EYA4: variants seen among roughly 807,000 people sequenced by gnomAD.
EYA4 encodes the protein protein phosphatase EYA4.
Under a neutral mutation model 87.9 loss-of-function variants are expected in EYA4, and 31 were observed. The ratio of observed to expected loss-of-function variants is 0.35; its 90% CI spans 0.27 to 0.48. The LOEUF (loss-of-function observed/expected upper bound fraction) is 0.48. EYA4 is among the 20% of genes least tolerant of loss of function. The pLI is 0.99. For synonymous variants in EYA4, 263 were observed against 270.6 expected (o/e 0.97, Z 0.28); for missense variants, 678 against 761.4 (o/e 0.89, Z 1.29).
rs1797372664 is a variant in EYA4, at chr6:133,493,571, C to A, written c.1191+10456C>A. 1.3e-5 allele frequency among the ~76,000 whole-genome samples: 2 copies of A among 152,078 alleles called. 1 individual carries two copies. The highest frequency in any genetic ancestry group is 3.9e-4 in the East Asian group (2 of 5,184). The stretch of plus-strand genomic sequence containing the variant: ...TTGAGCAGTACCCCACAAGCACAGG[C>A]AACCAAGCAAAAATGGATAAATGGG... On this transcript the variant is annotated intron_variant, in intron 13 of 19. Coordinates refer to ENST00000355286, the MANE Select transcript of EYA4 (RefSeq NM_004100.5).
In EYA4 at chr6:133,484,748, G is replaced by A. The variant is rs149277138; in HGVS notation, c.1191+1633G>A. The stretch of plus-strand genomic sequence containing the variant: ...CAGCTAAGTTTCATATTAGGTAAGT[G>A]TTTAAAATAAACAATCTAATAAGCA... On this transcript the variant is annotated intron_variant, in intron 13 of 19. Coordinates refer to ENST00000355286, the MANE Select transcript of EYA4 (RefSeq NM_004100.5). Among the ~76,000 whole-genome samples, 312 of 152,314 alleles carry A rather than the reference G, an allele frequency of 2.0e-3. 1 individual carries two copies. Among genetic ancestry groups the A allele is most frequent in the African/African-American group, 6.9e-3 (285 of 41,568 alleles).
chr6:133,509,961 G>A (rs768326508), intron 14 of EYA4, among the ~76,000 whole-genome samples: 10 of 152,220 alleles, frequency 6.6e-5, no homozygotes, highest in Admixed American at 1.3e-4. Flanking sequence ...TTCTTTCACT[G>A]GACCGTAATC....
chr6:133,410,285 TGTAAA>T (rs1471261424), intron 3 of EYA4, among the ~76,000 whole-genome samples: 1 of 152,134 alleles, frequency 6.6e-6, no homozygotes, highest in Non-Finnish European at 1.5e-5. Flanking sequence ...AAAATGTTCG[TGTAAA>T]GTAAATATTT....
At chr6:133,487,694 C>A (rs149767108) in intron 13 of EYA4, among the ~76,000 whole-genome samples, 9 of 152,116 alleles carry the variant, frequency 5.9e-5, no homozygotes, top group Non-Finnish European at 1.2e-4. Context: ...TACCAAGATT[C>A]ATCACTCTTG....
rs1242187632 is a variant in EYA4, at chr6:133,502,806, C to A, written c.1192-3300C>A. 3 of 151,918 alleles carry A rather than the reference C, an allele frequency of 2.0e-5. No individual in the cohort carries two copies. In the East Asian group the frequency reaches 6.1e-4, roughly 31 times the overall value. The allele number at this position is 151,918 out of a possible 1,614,324, so 9.4% of individuals were successfully genotyped here. On this transcript the variant is annotated intron_variant, in intron 13 of 19. Coordinates refer to ENST00000355286, the MANE Select transcript of EYA4 (RefSeq NM_004100.5). ...TGGCTGATGGCATGACTAGCCCTGG[C>A]CCATCTGTGCCAAGACTTTGGCATG... is the stretch of plus-strand genomic sequence containing the variant.
chr6:133,267,058 G>T (rs900759062), intron 1 of EYA4, among the ~76,000 whole-genome samples: 8 of 152,144 alleles, frequency 5.3e-5, no homozygotes, highest in African/African-American at 1.7e-4. Context: ...AGAAGTGAAA[G>T]AGGCCATTTG....
chr6:133,304,769 T>C (rs1779677974), intron 2 of EYA4, among the ~76,000 whole-genome samples: 1 of 152,108 alleles, frequency 6.6e-6, no homozygotes, highest in Non-Finnish European at 1.5e-5. Flanking sequence ...AGGGTTTGTG[T>C]ATTCATTCAA....
chr6:133,435,534 A>C (rs1172680303), intron 3 of EYA4: 2 of 152,248 alleles, frequency 1.3e-5, no homozygotes, highest in African/African-American at 4.8e-5. Flanking sequence ...TGATATAGAC[A>C]CTGTGCCGCG....
At chr6:133,442,382 A>G (rs112747765) in intron 3 of EYA4, among the ~76,000 whole-genome samples, 4 of 152,284 alleles carry the variant, frequency 2.6e-5, no homozygotes, top group African/African-American at 7.2e-5. Context: ...GAGCTAGACT[A>G]TGATTAGCCC....
chr6:133,356,872 G>A (rs943011028), intron 2 of EYA4, among the ~76,000 whole-genome samples: 3 of 150,464 alleles, frequency 2.0e-5, no homozygotes, highest in African/African-American at 4.9e-5. Flanking sequence ...GCATGATCTC[G>A]GCTCACTGCA....
At position 133,448,116 on chromosome 6, in the gene EYA4, A is replaced by T. The variant is rs1793038051; in HGVS notation, c.214A>T (p.Asn72Tyr). 6.2e-7 allele frequency: 1 copy of T among 1,613,250 alleles called. No individual in the cohort carries two copies. Among genetic ancestry groups the T allele is most frequent in the East Asian group, 2.2e-5 (1 of 44,868 alleles). The change falls in exon 5 of 20, where the codon AAC becomes TAC. Residue 72 changes from asparagine (N) to tyrosine (Y), a missense_variant. Transcript: ENST00000355286. ...SVTTNGTGGE[N>Y]MTVLNTADWL... ...TATACTGTTCCTGTTCTCAGGGGAA[A>T]ACATGACTGTTTTAAACACAGCAGA...
intron 1 of EYA4, among the ~76,000 whole-genome samples, chr6:133,257,453 G>C (rs1244976706): frequency 1.3e-5 from 2 of 152,032 alleles, no homozygotes; most frequent in Non-Finnish European, 2.9e-5. Context: ...GAAATGGAGA[G>C]GTAATAAATA....
intron 1 of EYA4, among the ~76,000 whole-genome samples, chr6:133,265,660 G>A (rs1217668085): frequency 6.6e-6 from 1 of 152,104 alleles, no homozygotes; most frequent in Non-Finnish European, 1.5e-5. Context: ...ACCTTAGTGT[G>A]ATTGGCCAAG....
In EYA4 at chr6:133,319,972, C is replaced by T. The variant is rs905434320; in HGVS notation, c.33+45159C>T. On this transcript the variant is annotated intron_variant, in intron 2 of 19. Transcript: ENST00000355286. ...AAGCAATCCACCCACCTCAGCCTTC[C>T]AAAGTGTTAGGATTACAGGTGTGAG... 2.0e-5 allele frequency among the ~76,000 whole-genome samples: 3 copies of T among 152,022 alleles called. No individual in the cohort carries two copies. The East Asian group carries it at 5.8e-4, about 29-fold the overall frequency.
At chr6:133,346,679 A>C (rs1380283648) in intron 2 of EYA4, among the ~76,000 whole-genome samples, 1 of 152,006 alleles carries the variant, frequency 6.6e-6, no homozygotes, top group African/African-American at 2.4e-5. Context: ...TCTTCCTATC[A>C]CTTTCATCTG....
Position 133,528,955 on chromosome 6 carries a change from T to C in EYA4, c.*150T>C. 6.6e-7 allele frequency: 1 copy of C among 1,510,720 alleles called. No homozygotes were observed. The highest frequency in any genetic ancestry group is 8.9e-7 in the Non-Finnish European group (1 of 1,126,160). 93.6% of individuals were successfully genotyped at this position (1,510,720 alleles called of 1,614,324 possible). A position where few individuals can be genotyped will look rare whatever the true frequency, so the allele number is the denominator to read the frequency against. ...AAATTCCAGAATGAAGAATTCAGATTGCTGAATGGAGTTAAACTTTAGTGC... is the reference window on the plus strand; with the variant it reads ...AAATTCCAGAATGAAGAATTCAGATCGCTGAATGGAGTTAAACTTTAGTGC... On this transcript the variant is annotated 3_prime_UTR_variant, in exon 20 of 20. Coordinates refer to ENST00000355286, the MANE Select transcript of EYA4 (RefSeq NM_004100.5).
intron 2 of EYA4, among the ~76,000 whole-genome samples, chr6:133,298,157 A>G (rs1008347076): frequency 2.6e-5 from 4 of 152,002 alleles, no homozygotes; most frequent in African/African-American, 9.7e-5. Context: ...TTGATACTCA[A>G]ATTGTCTTGA....
At chr6:133,438,409 G>A (rs1791913521) in intron 3 of EYA4, among the ~76,000 whole-genome samples, 1 of 147,646 alleles carries the variant, frequency 6.8e-6, no homozygotes, top group East Asian at 2.0e-4. Flanking sequence ...TACTCATCTT[G>A]TATGTCGTCC....
At chr6:133,494,674 C>A (rs866332951) in intron 13 of EYA4, among the ~76,000 whole-genome samples, 842 of 112,554 alleles carry the variant, frequency 7.5e-3, no homozygotes, top group Non-Finnish European at 9.4e-3. Context: ...CCTGCCTCTA[C>A]AAAAAAAAAA....
Sources: gnomAD v4.1 joint callset for allele counts (sites outside exome capture counted in the v4.1 genomes callset) on GRCh38, gnomAD v4.1.1 for gene constraint, MANE v1.5 for transcripts, NCBI Gene and HGNC (gene_info 2026-07-23, HGNC 2026-07-21) for gene names.